The following NR3C2 variants were observed in gnomAD, a reference collection of about 807,000 sequenced individuals.
NR3C2 encodes mineralocorticoid receptor.
In NR3C2, 15 loss-of-function variants were observed where a neutral mutation model predicts 86.4. The observed-to-expected ratio is 0.17, with a 90% CI of 0.12 to 0.27. The LOEUF (loss-of-function observed/expected upper bound fraction) is 0.27. NR3C2 is among the 10% of genes least tolerant of loss of function. The pLI, the probability that NR3C2 is intolerant of heterozygous loss-of-function variation, is 1.00. For missense variants in NR3C2, 960 were observed against 1,195.6 expected, an observed-to-expected ratio of 0.80 and a Z score of 2.91; for synonymous variants, 458 against 450.5, an observed-to-expected ratio of 1.02 and a Z score of -0.21.
intron 2 of NR3C2, among the ~76,000 whole-genome samples, chr4:148,330,938 C>G (rs80225528): frequency 6.6e-6 from 1 of 152,172 alleles, no homozygotes; most frequent in Non-Finnish European, 1.5e-5. Flanking sequence ...CTTCACCTTC[C>G]GCCTTGATTT....
At chr4:148,127,892 A>G (rs1732825965) in intron 6 of NR3C2, among the ~76,000 whole-genome samples, 1 of 152,256 alleles carries the variant, frequency 6.6e-6, no homozygotes. Context: ...CCATTGTACT[A>G]AACTAAAATC....
At chr4:148,260,989 T>C (rs1052516026) in intron 2 of NR3C2, among the ~76,000 whole-genome samples, 5 of 152,210 alleles carry the variant, frequency 3.3e-5, no homozygotes, top group East Asian at 1.9e-4. Context: ...GGCAAACAAG[T>C]TGATTTTTCA....
At chr4:148,108,264 C>G (rs538709961) in intron 8 of NR3C2, among the ~76,000 whole-genome samples, 2 of 152,110 alleles carry the variant, frequency 1.3e-5, no homozygotes, top group Middle Eastern at 3.4e-3. Context: ...TCACCACACC[C>G]GGCTAATTTT....
intron 3 of NR3C2, among the ~76,000 whole-genome samples, chr4:148,219,951 C>T (rs1021954777): frequency 1.2e-4 from 18 of 152,136 alleles, no homozygotes; most frequent in Admixed American, 1.3e-4. Context: ...GAGACAGAGT[C>T]TCACTCTGTC....
intron 3 of NR3C2, among the ~76,000 whole-genome samples, chr4:148,236,467 A>G (rs1011374327): frequency 3.3e-5 from 5 of 152,046 alleles, no homozygotes; most frequent in Non-Finnish European, 5.9e-5. Flanking sequence ...GATGCATAAC[A>G]CTAATACATA....
Position 148,092,439 on chromosome 4 carries a change from G to C in NR3C2, c.2800-10940C>G, listed in dbSNP as rs1326632908. Among the ~76,000 whole-genome samples, 8 of 152,220 alleles carry C rather than the reference G, an allele frequency of 5.3e-5. No homozygotes were observed. The East Asian group carries it at 1.5e-3, about 29-fold the overall frequency. ...CGGCTCCCAGAAGTGGCCCCTTCAT[G>C]TTTCTGCTGTGCAACCCTGGTGTGG... On this transcript the variant is annotated intron_variant, in intron 8 of 8. Coordinates refer to ENST00000358102, the MANE Select transcript of NR3C2 (RefSeq NM_000901.5).
intron 4 of NR3C2, among the ~76,000 whole-genome samples, chr4:148,156,619 C>A (rs920610404): frequency 1.3e-5 from 2 of 152,178 alleles, no homozygotes; most frequent in African/African-American, 2.4e-5. Context: ...CATCTCACAC[C>A]AGTTAGAATG....
chr4:148,317,887 T>TA (rs1181723370), intron 2 of NR3C2, among the ~76,000 whole-genome samples: 1 of 151,978 alleles, frequency 6.6e-6, no homozygotes, highest in Non-Finnish European at 1.5e-5. Flanking sequence ...TCTTTTTTTT[T>TA]ATTATACTTT....
intron 3 of NR3C2, among the ~76,000 whole-genome samples, chr4:148,209,122 C>T (rs28391722): frequency 0.031 from 4,666 of 151,794 alleles, 240 homozygotes; most frequent in African/African-American, 0.11. Context: ...CATGCACCTG[C>T]AATCCCAGCT....
rs761505232 is a variant in NR3C2, at chr4:148,154,783, G to C, written c.2133C>G (p.Ile711Met). The change falls in exon 5 of 9, where the codon ATC (isoleucine) becomes ATG (methionine). Residue 711 changes from isoleucine (I) to methionine (M), a missense_variant. Ile to Met is a conservative substitution (Grantham distance 10). Coordinates refer to ENST00000358102, the MANE Select transcript of NR3C2 (RefSeq NM_000901.5). The stretch of plus-strand genomic sequence containing the variant: ...TGACCGAGGGTTCTTTTGCAGGAGC[G>C]ATGTACGTTGTCCCTTCCTCTGGGC... Reference protein sequence around the residue: ...PQSPEEGTTYIAPAKEPSVNT... With the variant: ...PQSPEEGTTYMAPAKEPSVNT... 20 of 1,364,520 alleles carry C rather than the reference G, an allele frequency of 1.5e-5. No homozygotes were observed. The highest frequency in any genetic ancestry group is 2.0e-4 in the Middle Eastern group (1 of 4,898). 84.5% of individuals were successfully genotyped at this position (1,364,520 alleles called of 1,614,324 possible).
intron 2 of NR3C2, among the ~76,000 whole-genome samples, chr4:148,404,527 T>C (rs1029886801): frequency 5.3e-5 from 8 of 152,110 alleles, no homozygotes; most frequent in Non-Finnish European, 1.2e-4. Flanking sequence ...AAACAAAATA[T>C]TTTAGGTCTC....
chr4:148,256,575 C>G (rs549408296), intron 3 of NR3C2, among the ~76,000 whole-genome samples: 1 of 152,222 alleles, frequency 6.6e-6, no homozygotes, highest in Admixed American at 6.5e-5. Context: ...AATAACTTGC[C>G]TTAATCTCAC....
At chr4:148,359,869 G>T (rs1332461888) in intron 2 of NR3C2, among the ~76,000 whole-genome samples, 1 of 152,154 alleles carries the variant, frequency 6.6e-6, no homozygotes, top group Non-Finnish European at 1.5e-5. Context: ...CACACAATCA[G>T]CTTATCCCAT....
At chr4:148,422,388 C>G (rs1177641191) in intron 2 of NR3C2, among the ~76,000 whole-genome samples, 1 of 151,744 alleles carries the variant, frequency 6.6e-6, no homozygotes, top group East Asian at 1.9e-4. Context: ...AGAACAAAAG[C>G]CTCTCAGGAT....
intron 2 of NR3C2, among the ~76,000 whole-genome samples, chr4:148,380,552 A>G (rs1746920568): frequency 6.6e-6 from 1 of 152,342 alleles, no homozygotes; most frequent in South Asian, 2.1e-4. Context: ...TCCATTTTAC[A>G]TTCCCACCAG....
chr4:148,251,918 T>C (rs1223618396), intron 3 of NR3C2, among the ~76,000 whole-genome samples: 2 of 152,302 alleles, frequency 1.3e-5, no homozygotes, highest in South Asian at 2.1e-4. Context: ...GTTGTTGCCC[T>C]ACTTTTTGAT....
intron 3 of NR3C2, among the ~76,000 whole-genome samples, chr4:148,220,727 T>C (rs1331268240): frequency 6.6e-6 from 1 of 152,012 alleles, no homozygotes; most frequent in Non-Finnish European, 1.5e-5. Flanking sequence ...GCCCAGGAGG[T>C]CAAGGCTGCA....
upstream of NR3C2, chr4:148,444,692 G>A (rs1485825509): frequency 6.1e-6 from 6 of 985,360 alleles, no homozygotes; most frequent in Non-Finnish European, 7.2e-6. Context: ...ACGGTGGGTA[G>A]AGCAATAGTG....
At chr4:148,336,937 A>G (rs1192570213) in intron 2 of NR3C2, among the ~76,000 whole-genome samples, 1 of 152,046 alleles carries the variant, frequency 6.6e-6, no homozygotes, top group Non-Finnish European at 1.5e-5. Flanking sequence ...GACTACAGGC[A>G]TATGCCATTG....
Sources: allele counts gnomAD v4.1 joint callset (sites outside exome capture counted in the v4.1 genomes callset), GRCh38; gene constraint gnomAD v4.1.1; transcripts MANE v1.5; gene names NCBI Gene and HGNC (gene_info 2026-07-23, HGNC 2026-07-21).